The following NETO2 variants were observed in gnomAD, a reference collection of about 807,000 sequenced individuals.
NETO2 encodes neuropilin and tolloid-like protein 2.
In NETO2, 28 loss-of-function variants were observed where a neutral mutation model predicts 62.5. The ratio of observed to expected loss-of-function variants is 0.45; its 90% confidence interval spans 0.33 to 0.61. The LOEUF (loss-of-function observed/expected upper bound fraction) is 0.61. NETO2 is among the 20% of genes least tolerant of loss of function. The pLI is 0.02. For synonymous variants in NETO2, 214 were observed against 219.1 expected, an observed-to-expected ratio of 0.98 and a Z score of 0.21; for missense variants, 548 against 643.2, an observed-to-expected ratio of 0.85 and a Z score of 1.60.
Position 47,143,560 on chromosome 16 carries a change from C to A in NETO2, c.34+19G>T. On this transcript the variant is annotated intron_variant, in intron 1 of 8. Coordinates refer to ENST00000562435, the MANE Select transcript of NETO2 (RefSeq NM_018092.5). ...GGCCCGCAGGGGGCGCCGTCCGTGGCCCCAGCCCCGGTCCTTACCTTTGAG... is the reference window on the plus strand; with the variant it reads ...GGCCCGCAGGGGGCGCCGTCCGTGGACCCAGCCCCGGTCCTTACCTTTGAG... 8.2e-7 allele frequency: 1 copy of A among 1,223,414 alleles called. No homozygotes were observed. The highest frequency in any genetic ancestry group is 3.3e-5 in the East Asian group (1 of 30,418). 75.8% of individuals were successfully genotyped at this position (1,223,414 alleles called of 1,614,324 possible).
chr16:47,132,718 C>G (rs1448294351), intron 1 of NETO2, among the ~76,000 whole-genome samples: 1 of 152,206 alleles, frequency 6.6e-6, no homozygotes, highest in Non-Finnish European at 1.5e-5. Context: ...ACACTGCCAG[C>G]CTGTCCCGAA....
At chr16:47,102,685 T>A (rs1028630365) in intron 7 of NETO2, among the ~76,000 whole-genome samples, 1 of 150,446 alleles carries the variant, frequency 6.6e-6, no homozygotes, top group South Asian at 2.1e-4. Context: ...AAGAAAGACA[T>A]GAAAAAAAGC....
chr16:47,112,365 G>T (rs994100968), intron 6 of NETO2, among the ~76,000 whole-genome samples: 3 of 151,980 alleles, frequency 2.0e-5, no homozygotes, highest in Admixed American at 6.6e-5. Flanking sequence ...TTGTTTGTTT[G>T]TTTTCTTTTT....
At position 47,077,814 on chromosome 16, in the gene NETO2, T is replaced by C. The variant is rs1250687456; in HGVS notation, c.*5407A>G. ...ACAATTTACAGAGACAGACCAGTGG[T>C]AAACCTTCTTTCTTCTTCCTCTGTG... On this transcript the variant is annotated 3_prime_UTR_variant, in exon 9 of 9. Transcript: ENST00000562435. 6.6e-6 allele frequency: 1 copy of C among 152,186 alleles called. No individual in the cohort carries two copies. The highest frequency in any genetic ancestry group is 1.5e-5 in the Non-Finnish European group (1 of 68,048). 9.4% of individuals were successfully genotyped at this position (152,186 alleles called of 1,614,324 possible).
intron 1 of NETO2, among the ~76,000 whole-genome samples, chr16:47,136,558 A>G (rs1319118313): frequency 2.0e-5 from 3 of 152,144 alleles, no homozygotes; most frequent in Admixed American, 2.0e-4. Context: ...GGCATGCGCC[A>G]CCACGGCCAG....
At chr16:47,116,130 G>A (rs1025985699) in intron 6 of NETO2, among the ~76,000 whole-genome samples, 13 of 148,452 alleles carry the variant, frequency 8.8e-5, no homozygotes, top group Non-Finnish European at 1.5e-4. Flanking sequence ...GGTGTCAGCT[G>A]TAGGGTTTTC....
At chr16:47,101,452 A>C (rs979691072) in intron 7 of NETO2, among the ~76,000 whole-genome samples, 2 of 152,212 alleles carry the variant, frequency 1.3e-5, no homozygotes, top group African/African-American at 4.8e-5. Flanking sequence ...AGGCAAGATA[A>C]AGAAATAAAG....
intron 7 of NETO2, among the ~76,000 whole-genome samples, chr16:47,096,890 G>A (rs1431835325): frequency 6.6e-6 from 1 of 152,224 alleles, no homozygotes; most frequent in East Asian, 1.9e-4. Flanking sequence ...CGGAGGACGA[G>A]TAGGAGCAGG....
intron 1 of NETO2, among the ~76,000 whole-genome samples, chr16:47,138,233 C>G (rs966679977): frequency 6.6e-6 from 1 of 152,178 alleles, no homozygotes; most frequent in Non-Finnish European, 1.5e-5. Flanking sequence ...AACCCCGTCT[C>G]TAATAAAAAT....
intron 6 of NETO2, among the ~76,000 whole-genome samples, chr16:47,120,598 T>C (rs1353724742): frequency 6.6e-6 from 1 of 152,234 alleles, no homozygotes; most frequent in Admixed American, 6.5e-5. Flanking sequence ...ATATTAATTC[T>C]ATCTAATTAT....
At chr16:47,137,058 A>G (rs908581879) in intron 1 of NETO2, among the ~76,000 whole-genome samples, 1 of 152,204 alleles carries the variant, frequency 6.6e-6, no homozygotes, top group Non-Finnish European at 1.5e-5. Context: ...TGGTCAGGCT[A>G]TAGGAAACTG....
intron 6 of NETO2, among the ~76,000 whole-genome samples, chr16:47,114,439 CTTTTTTTTTT>C (rs33994080): frequency 1.9e-3 from 73 of 37,924 alleles, no homozygotes; most frequent in East Asian, 0.012. Flanking sequence ...TTATAAATTT[CTTTTTTTTTT>C]TTTTTTTTTT....
intron 1 of NETO2, among the ~76,000 whole-genome samples, chr16:47,141,149 A>G (rs1964454738): frequency 6.6e-6 from 1 of 152,256 alleles, no homozygotes; most frequent in African/African-American, 2.4e-5. Flanking sequence ...GGCATCTTAA[A>G]GAACTAAAAT....
At chr16:47,092,170 A>T (rs1963326491) in intron 7 of NETO2, among the ~76,000 whole-genome samples, 1 of 151,796 alleles carries the variant, frequency 6.6e-6, no homozygotes, top group South Asian at 2.1e-4. Context: ...CTGTTGTTGG[A>T]GAAACAGGCA....
intron 1 of NETO2, among the ~76,000 whole-genome samples, chr16:47,141,110 T>C (rs1398954420): frequency 6.6e-6 from 1 of 152,212 alleles, no homozygotes; most frequent in South Asian, 2.1e-4. Context: ...TTTGTCTTAA[T>C]GGCTGAAAGT....
rs150936752 is a variant in NETO2, at chr16:47,135,071, T to C, written c.35-3046A>G. 5.4e-3 allele frequency among the ~76,000 whole-genome samples: 817 copies of C among 152,342 alleles called. 6 individuals are homozygous for C. Among genetic ancestry groups the C allele is most frequent in the African/African-American group, 0.019 (783 of 41,592 alleles). Reference sequence around the variant, plus strand: ...TGCACAGCAATTAGGGATAGAAAGATGTACTGATACAGTTTTTGGTAATAC... The same window carrying C: ...TGCACAGCAATTAGGGATAGAAAGACGTACTGATACAGTTTTTGGTAATAC... On this transcript the variant is annotated intron_variant, in intron 1 of 8. Coordinates refer to ENST00000562435, the MANE Select transcript of NETO2 (RefSeq NM_018092.5).
rs868496596 is a variant in NETO2 at position 47,081,016 on chromosome 16, T to C, written c.*2205A>G. 4.6e-5 allele frequency: 7 copies of C among 152,328 alleles called. 1 individual carries two copies. The highest frequency in any genetic ancestry group is 1.3e-4 in the Admixed American group (2 of 15,310). The allele number at this position is 152,328 out of a possible 1,614,324, so 9.4% of individuals were successfully genotyped here. On this transcript the variant is annotated 3_prime_UTR_variant, in exon 9 of 9. Transcript: ENST00000562435. The stretch of plus-strand genomic sequence containing the variant: ...ACTGTGTACTTCTATTTTACTGTTA[T>C]GTCTTCTTTAAAGGCTCTGTATTTT...
chr16:47,128,526 T>C lies in NETO2; in HGVS notation c.280A>G (p.Ile94Val), dbSNP rs781429380. Reference protein sequence around the residue: ...IELTFDEHYYIEPSFECRFDH... With the variant: ...IELTFDEHYYVEPSFECRFDH... Reference sequence around the variant, plus strand: ...AACCGACACTCAAATGATGGTTCTATATAATAATGTTCATCAAAGGTCAAC... The same window carrying C: ...AACCGACACTCAAATGATGGTTCTACATAATAATGTTCATCAAAGGTCAAC... The change falls in exon 4 of 9, where the codon ATA (isoleucine) becomes GTA (valine). Residue 94 changes from isoleucine to valine, a missense_variant. By Grantham distance (29) the Ile-to-Val change is conservative. Transcript: ENST00000562435. The C allele has an allele frequency of 7.4e-6, 12 of 1,613,810 alleles. No individual in the cohort carries two copies. In the East Asian group the frequency reaches 2.7e-4, roughly 36 times the overall value.
At chr16:47,130,116 G>C (rs1964234712) in intron 2 of NETO2, among the ~76,000 whole-genome samples, 1 of 152,192 alleles carries the variant, frequency 6.6e-6, no homozygotes, top group African/African-American at 2.4e-5. Flanking sequence ...GGGACACCAG[G>C]AACAGTTGAG....
Sources: gnomAD v4.1 joint callset for allele counts (sites outside exome capture counted in the v4.1 genomes callset) on GRCh38, gnomAD v4.1.1 for gene constraint, MANE v1.5 for transcripts, NCBI Gene and HGNC (gene_info 2026-07-23, HGNC 2026-07-21) for gene names.